Variants in CNTNAP5 observed in about 807,000 individuals in gnomAD.
CNTNAP5 encodes contactin associated protein family member 5.
CNTNAP5 carries 72 observed loss-of-function variants against 150.2 expected under a neutral mutation model. The ratio of observed to expected loss-of-function variants is 0.48; its 90% CI spans 0.40 to 0.58. The LOEUF (loss-of-function observed/expected upper bound fraction) is 0.58. Ranked by LOEUF, CNTNAP5 falls within the 20% of genes least tolerant of loss-of-function variation. CNTNAP5 has a pLI of 0.00. For missense variants in CNTNAP5, 1,636 were observed against 1,626.2 expected, an observed-to-expected ratio of 1.01 and a Z score of -0.10; for synonymous variants, 672 against 619.8, an observed-to-expected ratio of 1.08 and a Z score of -1.25.
intron 1 of CNTNAP5, among the ~76,000 whole-genome samples, chr2:124,128,713 A>G (rs979043284): frequency 5.3e-5 from 8 of 152,306 alleles, no homozygotes; most frequent in African/African-American, 1.9e-4. Flanking sequence ...CGTATACACC[A>G]TGGAATACTA....
At chr2:124,064,583 A>T (rs1338442265) in intron 1 of CNTNAP5, among the ~76,000 whole-genome samples, 2 of 152,088 alleles carry the variant, frequency 1.3e-5, no homozygotes, top group Non-Finnish European at 2.9e-5. Flanking sequence ...CTATCATGCG[A>T]ATCTTATAAT....
At chr2:124,721,388 G>T (rs554016864) in intron 13 of CNTNAP5, among the ~76,000 whole-genome samples, 1 of 152,078 alleles carries the variant, frequency 6.6e-6, no homozygotes, top group East Asian at 1.9e-4. Context: ...TGAGGCAGGA[G>T]AATCAATTGC....
intron 13 of CNTNAP5, among the ~76,000 whole-genome samples, chr2:124,710,790 A>C (rs2105103046): frequency 6.6e-6 from 1 of 152,256 alleles, no homozygotes; most frequent in South Asian, 2.1e-4. Flanking sequence ...AACATGTCTT[A>C]ATCGTTATCC....
At chr2:124,065,698 T>A (rs1159804384) in intron 1 of CNTNAP5, among the ~76,000 whole-genome samples, 1 of 152,166 alleles carries the variant, frequency 6.6e-6, no homozygotes, top group Non-Finnish European at 1.5e-5. Flanking sequence ...CCTGGAAGAA[T>A]GGCTGTACCA....
intron 12 of CNTNAP5, among the ~76,000 whole-genome samples, chr2:124,624,295 A>C (rs1677674978): frequency 6.6e-6 from 1 of 152,188 alleles, no homozygotes. Flanking sequence ...CCGTTTTAGC[A>C]CGGCCAGTTG....
chr2:124,725,007 A>G (rs184719039), intron 13 of CNTNAP5, among the ~76,000 whole-genome samples: 35 of 144,948 alleles, frequency 2.4e-4, no homozygotes, highest in African/African-American at 9.0e-4. Context: ...CAACGTACTG[A>G]CTTTTTGGAG....
chr2:124,237,851 CA>C (rs1179930395), intron 2 of CNTNAP5, among the ~76,000 whole-genome samples: 2 of 151,942 alleles, frequency 1.3e-5, no homozygotes, highest in Non-Finnish European at 1.5e-5. Flanking sequence ...GAAAAAACAA[CA>C]ACAGCAACAA....
chr2:124,777,775 A>ATG (rs35863925), intron 17 of CNTNAP5, among the ~76,000 whole-genome samples: 18,983 of 130,452 alleles, frequency 0.15, 1,534 homozygotes, highest in East Asian at 0.27. Context: ...GAATGGAGGG[A>ATG]TGTGTGTGTG....
chr2:124,422,934 G>A lies in CNTNAP5; in HGVS notation c.529+5344G>A, dbSNP rs575356412. 5.3e-5 allele frequency among the ~76,000 whole-genome samples: 8 copies of A among 152,280 alleles called. No individual in the cohort carries two copies. In the South Asian group the frequency reaches 1.7e-3, roughly 32 times the overall value. ...TGTTGGTTCTAGGCAAGCGTGATGA[G>A]GAACCAGAATTTAAAGCTGTTATCT... On this transcript the variant is annotated intron_variant, in intron 4 of 23. Coordinates refer to ENST00000682447, the MANE Select transcript of CNTNAP5 (RefSeq NM_001367498.1).
chr2:124,580,232 G>A (rs966975780), intron 11 of CNTNAP5, among the ~76,000 whole-genome samples: 7 of 152,210 alleles, frequency 4.6e-5, no homozygotes, highest in Admixed American at 6.5e-5. Flanking sequence ...AACCAAAAGC[G>A]GGGAATTGTT....
chr2:124,822,956 A>T (rs1682522162), intron 19 of CNTNAP5, among the ~76,000 whole-genome samples: 2 of 152,236 alleles, frequency 1.3e-5, no homozygotes, highest in African/African-American at 4.8e-5. Flanking sequence ...TGTGACCATC[A>T]TCACTGAAAT....
intron 13 of CNTNAP5, among the ~76,000 whole-genome samples, chr2:124,728,244 G>A (rs190900426): frequency 9.9e-5 from 15 of 152,080 alleles, no homozygotes; most frequent in Admixed American, 9.2e-4. Flanking sequence ...GATGTTGGCT[G>A]CAATTTTCTT....
intron 3 of CNTNAP5, among the ~76,000 whole-genome samples, chr2:124,279,107 C>A (rs948750586): frequency 3.3e-5 from 5 of 151,924 alleles, no homozygotes; most frequent in Admixed American, 3.3e-4. Flanking sequence ...TTTCCTGGGA[C>A]AGCTCTGATT....
chr2:124,720,217 A>G (rs77581487), intron 13 of CNTNAP5, among the ~76,000 whole-genome samples: 6,839 of 152,258 alleles, frequency 0.045, 545 homozygotes, highest in African/African-American at 0.16. Flanking sequence ...TCCTTCATCT[A>G]TAAGAAAGGG....
chr2:124,112,641 G>C (rs1683324870), intron 1 of CNTNAP5, among the ~76,000 whole-genome samples: 1 of 152,056 alleles, frequency 6.6e-6, no homozygotes, highest in African/African-American at 2.4e-5. Flanking sequence ...CAAAGTGATT[G>C]CTTGTGTAGG....
intron 13 of CNTNAP5, among the ~76,000 whole-genome samples, chr2:124,669,203 A>C (rs1384657456): frequency 3.9e-5 from 6 of 152,182 alleles, no homozygotes; most frequent in Non-Finnish European, 7.3e-5. Context: ...CAGGGACAGG[A>C]CCTGCATTTG....
chr2:124,351,172 T>C (rs780506169), intron 3 of CNTNAP5, among the ~76,000 whole-genome samples: 10 of 152,198 alleles, frequency 6.6e-5, no homozygotes, highest in Non-Finnish European at 1.3e-4. Flanking sequence ...TGCAGAAATG[T>C]TGTAGAAAAG....
At chr2:124,243,447 T>C (rs1443607240) in intron 3 of CNTNAP5, among the ~76,000 whole-genome samples, 1 of 152,216 alleles carries the variant, frequency 6.6e-6, no homozygotes, top group Non-Finnish European at 1.5e-5. Flanking sequence ...CTTGGGGTTG[T>C]AATTGAAAAC....
At chr2:124,670,133 T>TTTCCTTCCTTCCTTCCTTCCTTCCTTCC (rs796656346) in intron 13 of CNTNAP5, among the ~76,000 whole-genome samples, 8 of 112,608 alleles carry the variant, frequency 7.1e-5, no homozygotes, top group Admixed American at 2.9e-4. Flanking sequence ...TCCTTCCTTC[T>TTTCCTTCCTTCCTTCCTTCCTTCCTTCC]TTCCTTCCTT....
Sources: gnomAD v4.1 joint callset for allele counts (sites outside exome capture counted in the v4.1 genomes callset) on GRCh38, gnomAD v4.1.1 for gene constraint, MANE v1.5 for transcripts, NCBI Gene and HGNC (gene_info 2026-07-23, HGNC 2026-07-21) for gene names.